Variants in TMEM132B observed in about 807,000 individuals in gnomAD.
TMEM132B encodes transmembrane protein 132B.
Under a neutral mutation model 90.8 loss-of-function variants are expected in TMEM132B, and 18 were observed. The observed-to-expected ratio is 0.20, with a 90% CI of 0.14 to 0.29. The LOEUF (loss-of-function observed/expected upper bound fraction) is 0.29, where lower values mean the gene tolerates loss of function less well. Among genes scored for constraint, TMEM132B ranks in the 10% least tolerant of loss-of-function variants. TMEM132B has a pLI of 1.00. For synonymous variants in TMEM132B, 504 were observed against 523.3 expected (o/e 0.96, Z 0.50); for missense variants, 1,096 against 1,326.8 (o/e 0.83, Z 2.70).
intron 4 of TMEM132B, among the ~76,000 whole-genome samples, chr12:125,551,543 AT>A (rs369938811): frequency 3.3e-4 from 50 of 152,048 alleles, no homozygotes; most frequent in African/African-American, 1.1e-3. Context: ...TTGCCTAGAG[AT>A]GAGTTTTGAC....
intron 1 of TMEM132B, among the ~76,000 whole-genome samples, chr12:125,290,087 C>T (rs1462977117): frequency 1.3e-5 from 2 of 152,148 alleles, no homozygotes; most frequent in Non-Finnish European, 2.9e-5. Flanking sequence ...TTCATTAGAG[C>T]CTACAAAGTC....
At chr12:125,190,659 TG>T (rs1957794422) in intron 1 of TMEM132B, among the ~76,000 whole-genome samples, 1 of 10,206 alleles carries the variant, frequency 9.8e-5, no homozygotes, top group African/African-American at 4.2e-4. Context: ...GCGATGGTGA[TG>T]GGGAAGGGGT....
chr12:125,257,134 A>G (rs1233511211), intron 1 of TMEM132B, among the ~76,000 whole-genome samples: 1 of 152,150 alleles, frequency 6.6e-6, no homozygotes, highest in Non-Finnish European at 1.5e-5. Flanking sequence ...AAACATAGCA[A>G]GACTCCAACT....
chr12:125,562,350 G>T (rs1339608989), intron 4 of TMEM132B, among the ~76,000 whole-genome samples: 1 of 152,198 alleles, frequency 6.6e-6, no homozygotes, highest in Non-Finnish European at 1.5e-5. Flanking sequence ...AGAATATGGG[G>T]ATTAAGGATG....
chr12:125,457,274 T>C (rs188350903), intron 3 of TMEM132B, among the ~76,000 whole-genome samples: 116 of 152,342 alleles, frequency 7.6e-4, no homozygotes, highest in African/African-American at 2.8e-3. Flanking sequence ...TGTCTTTTTT[T>C]CTCCTGATTT....
intron 5 of TMEM132B, among the ~76,000 whole-genome samples, chr12:125,622,002 G>A (rs1009159687): frequency 6.6e-6 from 1 of 152,148 alleles, no homozygotes; most frequent in Non-Finnish European, 1.5e-5. Flanking sequence ...GAAGAATCAG[G>A]ATCTCTCTGA....
intron 1 of TMEM132B, among the ~76,000 whole-genome samples, chr12:125,279,772 A>G (rs974448464): frequency 6.6e-6 from 1 of 152,210 alleles, no homozygotes; most frequent in Non-Finnish European, 1.5e-5. Context: ...CACTAAACAT[A>G]TGAGAGTGGT....
intron 1 of TMEM132B, among the ~76,000 whole-genome samples, chr12:125,318,689 A>C (rs1482115613): frequency 6.6e-6 from 1 of 152,202 alleles, no homozygotes; most frequent in East Asian, 1.9e-4. Flanking sequence ...CCTGCAAAGG[A>C]CATTTCATTC....
intron 2 of TMEM132B, among the ~76,000 whole-genome samples, chr12:125,404,283 T>G (rs1264741786): frequency 2.0e-5 from 3 of 152,202 alleles, no homozygotes; most frequent in Non-Finnish European, 4.4e-5. Flanking sequence ...GGATGTTCTC[T>G]AGAGCACCCC....
intron 5 of TMEM132B, among the ~76,000 whole-genome samples, chr12:125,634,901 G>A (rs939274454): frequency 6.6e-6 from 1 of 152,164 alleles, no homozygotes; most frequent in Non-Finnish European, 1.5e-5. Context: ...GAAGGGTGAT[G>A]CCAGCACTCC....
At chr12:125,382,972 C>T (rs1240084068) in intron 2 of TMEM132B, among the ~76,000 whole-genome samples, 1 of 152,184 alleles carries the variant, frequency 6.6e-6, no homozygotes, top group Non-Finnish European at 1.5e-5. Context: ...TTTTTGACAA[C>T]TGCAGATAGA....
intron 2 of TMEM132B, among the ~76,000 whole-genome samples, chr12:125,360,091 C>T (rs1350241379): frequency 6.6e-6 from 1 of 152,104 alleles, no homozygotes; most frequent in Non-Finnish European, 1.5e-5. Flanking sequence ...CAAAACAAAA[C>T]AAAATAGAAC....
chr12:125,303,533 C>G (rs1875885054), intron 1 of TMEM132B, among the ~76,000 whole-genome samples: 2 of 152,138 alleles, frequency 1.3e-5, no homozygotes, highest in Admixed American at 1.3e-4. Context: ...TATGGTAATT[C>G]TATGCTTAAC....
intron 1 of TMEM132B, among the ~76,000 whole-genome samples, chr12:125,243,671 A>ATAGT (rs1190717094): frequency 6.6e-6 from 1 of 152,162 alleles, no homozygotes; most frequent in Non-Finnish European, 1.5e-5. Flanking sequence ...GGTAGGGGGT[A>ATAGT]TAGTACCCAA....
intron 2 of TMEM132B, among the ~76,000 whole-genome samples, chr12:125,378,957 C>T (rs1878577561): frequency 1.3e-5 from 2 of 151,952 alleles, no homozygotes; most frequent in South Asian, 4.2e-4. Flanking sequence ...GTGTATAGCC[C>T]CCACCCCCCT....
chr12:125,494,815 GCATC>G (rs1882494947), intron 3 of TMEM132B, among the ~76,000 whole-genome samples: 5 of 22,528 alleles, frequency 2.2e-4, no homozygotes, highest in Non-Finnish European at 2.3e-4. Flanking sequence ...GGAAATGGCT[GCATC>G]CCTCCTCCCC....
chr12:125,527,621 T>TACCCATCCACCCTTCCATCC (rs1883527132), intron 4 of TMEM132B, among the ~76,000 whole-genome samples: 2 of 73,594 alleles, frequency 2.7e-5, no homozygotes, highest in African/African-American at 1.1e-4. Flanking sequence ...CCCTTCCATC[T>TACCCATCCACCCTTCCATCC]ACCCATCCAC....
chr12:125,527,646 A>G (rs1385886749), intron 4 of TMEM132B, among the ~76,000 whole-genome samples: 1 of 142,218 alleles, frequency 7.0e-6, no homozygotes, highest in Admixed American at 7.1e-5. Flanking sequence ...CCATCCACCC[A>G]TCCACCCATT....
intron 3 of TMEM132B, among the ~76,000 whole-genome samples, chr12:125,420,453 C>T (rs547823629): frequency 3.4e-4 from 52 of 152,332 alleles, no homozygotes; most frequent in African/African-American, 1.2e-3. Flanking sequence ...ACTTTGGCCC[C>T]GTTTAGTCAT....
Sources: gnomAD v4.1 joint callset for allele counts (sites outside exome capture counted in the v4.1 genomes callset) on GRCh38, gnomAD v4.1.1 for gene constraint, MANE v1.5 for transcripts, NCBI Gene and HGNC (gene_info 2026-07-23, HGNC 2026-07-21) for gene names.